EVC2: variants seen among roughly 807,000 people sequenced by gnomAD.
EVC2 encodes the protein EvC ciliary complex subunit 2, also known as limbin.
EVC2 carries 148 observed loss-of-function variants against 149.3 expected under a neutral mutation model. The observed-to-expected ratio is 0.99, with a 90% CI of 0.87 to 1.14. The LOEUF (loss-of-function observed/expected upper bound fraction) is 1.14. Ranked by LOEUF, EVC2 falls within the 50% of genes most tolerant of loss-of-function variation. EVC2 has a pLI of 0.00. For missense variants in EVC2, 1,854 were observed against 1,627.3 expected, an observed-to-expected ratio of 1.14 and a Z score of -2.40; for synonymous variants, 776 against 649.9, an observed-to-expected ratio of 1.19 and a Z score of -2.95.
chr4:5,594,720 G>C (rs1342839421), intron 16 of EVC2, among the ~76,000 whole-genome samples: 1 of 152,222 alleles, frequency 6.6e-6, no homozygotes, highest in Non-Finnish European at 1.5e-5. Context: ...GCTGGAGGGA[G>C]AATGACTTGG....
chr4:5,618,326 G>T lies in EVC2; in HGVS notation c.2706+152C>A. On this transcript the variant is annotated intron_variant, in intron 15 of 21. Transcript: ENST00000344408. This position sits in a 1 kb window ranked among gnomAD's most constrained non-coding sequence, Gnocchi z 4.4. ...AGTTGGGACAGCCCTGGAGATTCCT[G>T]GAATAGCTGGACACCAATGCAGCCA... 1.1e-6 allele frequency: 1 copy of T among 870,250 alleles called. No individual in the cohort carries two copies. 53.9% of individuals were successfully genotyped at this position (870,250 alleles called of 1,614,324 possible).
In EVC2 at chr4:5,670,056, G is replaced by T. The variant is rs764580496; in HGVS notation, c.871-4407C>A. ...GTGTTGTTAAATTATGCTAGGTCCT[G>T]CCCTGCCTACAATGCCTCTACTCTT... On this transcript the variant is annotated intron_variant, in intron 7 of 21. Transcript: ENST00000344408. This position sits in a 1 kb window ranked among gnomAD's most constrained non-coding sequence, Gnocchi z 5.2. 1.3e-5 allele frequency among the ~76,000 whole-genome samples: 2 copies of T among 152,130 alleles called. No homozygotes were observed. Among genetic ancestry groups the T allele is most frequent in the African/African-American group, 2.4e-5 (1 of 41,434 alleles).
chr4:5,629,588 G>A (rs529110601), intron 11 of EVC2, among the ~76,000 whole-genome samples: 21 of 152,326 alleles, frequency 1.4e-4, no homozygotes, highest in East Asian at 7.7e-4. Context: ...AAGTGTCAAC[G>A]CTTTGTTCAA....
In EVC2 at chr4:5,618,704, C is replaced by T. The variant is rs1408119208; in HGVS notation, c.2502-22G>A. The T allele has an allele frequency of 6.4e-6, 10 of 1,566,362 alleles. No homozygotes were observed. The highest frequency in any genetic ancestry group is 8.7e-6 in the Non-Finnish European group (10 of 1,154,700). ...CTTCCTGGGAGGAAGAACAGAGACACACTCTTAACACAGAGAAAGCCTGGG... is the reference window on the plus strand; with the variant it reads ...CTTCCTGGGAGGAAGAACAGAGACATACTCTTAACACAGAGAAAGCCTGGG... On this transcript the variant is annotated intron_variant, in intron 14 of 21. Coordinates refer to ENST00000344408, the MANE Select transcript of EVC2 (RefSeq NM_147127.5). The surrounding 1 kb of genome is among the most constrained non-coding windows in gnomAD (Gnocchi z 4.4).
Position 5,565,344 on chromosome 4 carries a change from C to G in EVC2, c.3573G>C (p.Trp1191Cys), listed in dbSNP as rs1404524694. ...GCAGTTTGCCATCTAAGGCTTGCCACCAGCTCTGGTGTTTCCTGCAGGCAA... is the reference window on the plus strand; with the variant it reads ...GCAGTTTGCCATCTAAGGCTTGCCAGCAGCTCTGGTGTTTCCTGCAGGCAA... ...DVGRRRKHQS[W>C]WQALDGKLRG... The change falls in exon 21 of 22, where the codon TGG (tryptophan) becomes TGC (cysteine). Residue 1191 changes from tryptophan to cysteine, a missense_variant. Trp to Cys is a radical substitution (Grantham distance 215, BLOSUM62 -2). Transcript: ENST00000344408. 1.2e-6 allele frequency: 2 copies of G among 1,613,970 alleles called. No homozygotes were observed. The highest frequency in any genetic ancestry group is 1.7e-6 in the Non-Finnish European group (2 of 1,179,998).
At position 5,637,398 on chromosome 4, in the gene EVC2, G is replaced by C. The variant is rs139031754; in HGVS notation, c.1470+3116C>G. Among the ~76,000 whole-genome samples the C allele has an allele frequency of 6.6e-6, 1 of 152,298 alleles. No homozygotes were observed. Among genetic ancestry groups the C allele is most frequent in the Non-Finnish European group, 1.5e-5 (1 of 68,030 alleles). ...CTTCCCCAGCTCAGTTTCCTCACCT[G>C]TCAAAGTGAGATCCTCTCAGTCCCT... On this transcript the variant is annotated intron_variant, in intron 10 of 21. Coordinates refer to ENST00000344408, the MANE Select transcript of EVC2 (RefSeq NM_147127.5). This position sits in a 1 kb window ranked among gnomAD's most constrained non-coding sequence, Gnocchi z 4.4.
At position 5,595,535 on chromosome 4, in the gene EVC2, A is replaced by C. The variant is rs1016059144; in HGVS notation, c.2830-10685T>G. Among the ~76,000 whole-genome samples the C allele has an allele frequency of 5.2e-3, 792 of 152,256 alleles. 7 individuals are homozygous for C. The highest frequency in any genetic ancestry group is 0.018 in the African/African-American group (756 of 41,528). Reference sequence around the variant, plus strand: ...GCAAATGCTGAGAGATTTTGTCACCACCAGGCCTGCCCTAAAAGAGCTCCT... The same window carrying C: ...GCAAATGCTGAGAGATTTTGTCACCCCCAGGCCTGCCCTAAAAGAGCTCCT... On this transcript the variant is annotated intron_variant, in intron 16 of 21. Transcript: ENST00000344408.
intron 5 of EVC2, among the ~76,000 whole-genome samples, chr4:5,687,690 C>A (rs1720819062): frequency 6.6e-6 from 1 of 151,978 alleles, no homozygotes; most frequent in African/African-American, 2.4e-5. Flanking sequence ...CTTTCCTGAC[C>A]CACACAAGAG....
At chr4:5,559,816 GATC>G (rs1295906229), downstream of EVC2, among the ~76,000 whole-genome samples, 2 of 152,114 alleles carry the variant, frequency 1.3e-5, no homozygotes, top group African/African-American at 4.8e-5. The surrounding 1 kb of genome is among the most constrained non-coding windows in gnomAD (Gnocchi z 5.0). Flanking sequence ...ATGGAAAAGA[GATC>G]ATCTCCCATG....
chr4:5,540,307 A>G (rs925830514), downstream of EVC2, among the ~76,000 whole-genome samples: 1 of 152,204 alleles, frequency 6.6e-6, no homozygotes, highest in African/African-American at 2.4e-5. Flanking sequence ...CACCTGTCAT[A>G]TGTTCTAGCC....
chr4:5,609,608 C>T lies in EVC2; in HGVS notation c.2829+5814G>A, dbSNP rs145676018. On this transcript the variant is annotated intron_variant, in intron 16 of 21. Transcript: ENST00000344408. ...GAAAGAAGACGAGCACTACAGCCCA[C>T]TCCAAAGTTAAAAGGCACCTCACAA... 9.8e-5 allele frequency among the ~76,000 whole-genome samples: 15 copies of T among 152,318 alleles called. No individual in the cohort carries two copies. The East Asian group carries it at 2.9e-3, about 29-fold the overall frequency.
intron 2 of EVC2, among the ~76,000 whole-genome samples, chr4:5,694,932 C>T (rs1721374048): frequency 6.6e-6 from 1 of 152,146 alleles, no homozygotes; most frequent in Non-Finnish European, 1.5e-5. Context: ...TAGGTCTCAC[C>T]TCACTAGGTC....
chr4:5,574,568 G>T (rs1367925139), intron 19 of EVC2, 117 bp downstream of exon 19: 2 of 1,036,620 alleles, frequency 1.9e-6, no homozygotes, highest in Non-Finnish European at 3.0e-6. Flanking sequence ...CTGCTCTGCA[G>T]GTTCCAAGGC....
rs1178686818 is a variant in EVC2 at position 5,622,406 on chromosome 4, A to G, written c.2501+131T>C. 4 of 1,084,506 alleles carry G rather than the reference A, an allele frequency of 3.7e-6. No homozygotes were observed. The highest frequency in any genetic ancestry group is 3.1e-5 in the African/African-American group (2 of 64,288). 67.2% of individuals were successfully genotyped at this position (1,084,506 alleles called of 1,614,324 possible). A position where few individuals can be genotyped will look rare whatever the true frequency, so the allele number is the denominator to read the frequency against. ...CCGGGGCGTTGAGTTTATATGACTA[A>G]TTAACGCTGGTAATCTCATCTGTCT... On this transcript the variant is annotated intron_variant, in intron 14 of 21. Transcript: ENST00000344408. This position sits in a 1 kb window ranked among gnomAD's most constrained non-coding sequence, Gnocchi z 5.8.
At chr4:5,675,983 C>T (rs1333779919) in intron 7 of EVC2, among the ~76,000 whole-genome samples, 2 of 152,180 alleles carry the variant, frequency 1.3e-5, no homozygotes, top group Non-Finnish European at 2.9e-5. Flanking sequence ...GAATTGCACT[C>T]TAAATGAATT....
intron 1 of EVC2, among the ~76,000 whole-genome samples, chr4:5,700,448 C>T (rs1429191518): frequency 6.6e-6 from 1 of 152,204 alleles, no homozygotes; most frequent in Non-Finnish European, 1.5e-5. Context: ...GCTTGTTAGG[C>T]ACTGTGCTAG....
intron 16 of EVC2, among the ~76,000 whole-genome samples, chr4:5,607,093 C>G (rs886926154): frequency 2.0e-5 from 3 of 152,096 alleles, no homozygotes; most frequent in African/African-American, 7.2e-5. Context: ...TATATTGTGT[C>G]TGGGAATCAC....
At chr4:5,556,786 A>C (rs1304711260) in intron 21 of EVC2, among the ~76,000 whole-genome samples, 1 of 152,204 alleles carries the variant, frequency 6.6e-6, no homozygotes, top group Non-Finnish European at 1.5e-5. Context: ...AAGCATCATA[A>C]AAGAATGCTG....
chr4:5,655,002 C>T (rs1718418781), intron 9 of EVC2, among the ~76,000 whole-genome samples: 1 of 152,222 alleles, frequency 6.6e-6, no homozygotes, highest in Admixed American at 6.5e-5. Context: ...CAGCCTACAT[C>T]GTGCCTAGCG....
Sources: allele counts gnomAD v4.1 joint callset (sites outside exome capture counted in the v4.1 genomes callset), GRCh38; gene constraint gnomAD v4.1.1; non-coding constraint Gnocchi (gnomAD v3.1); transcripts MANE v1.5; gene names NCBI Gene and HGNC (gene_info 2026-07-23, HGNC 2026-07-21).